Variants in FAF1 observed in about 807,000 individuals in gnomAD.
FAF1 encodes FAS-associated factor 1.
A neutral mutation model predicts 92.5 loss-of-function variants in FAF1; 25 were observed. That is an observed-to-expected ratio of 0.27 (90% CI 0.20 to 0.38). The LOEUF is 0.38. Among genes scored for constraint, FAF1 ranks in the 10% least tolerant of loss-of-function variants. FAF1 has a pLI of 1.00. For synonymous variants in FAF1, 234 were observed against 273.2 expected (o/e 0.86, Z 1.42); for missense variants, 636 against 793.3 (o/e 0.80, Z 2.38).
chr1:50,899,546 A>G (rs1439057506), intron 1 of FAF1, among the ~76,000 whole-genome samples: 1 of 152,122 alleles, frequency 6.6e-6, no homozygotes, highest in Non-Finnish European at 1.5e-5. Flanking sequence ...TGTGCCTCCC[A>G]TGTTCAAGCA....
At chr1:50,480,885 C>T (rs1474815962) in intron 17 of FAF1, among the ~76,000 whole-genome samples, 1 of 152,104 alleles carries the variant, frequency 6.6e-6, no homozygotes, top group East Asian at 1.9e-4. Context: ...ATGACAGCTC[C>T]GTGTGTGTTA....
At chr1:50,697,062 C>G (rs1480157610) in intron 7 of FAF1, among the ~76,000 whole-genome samples, 2 of 152,128 alleles carry the variant, frequency 1.3e-5, no homozygotes, top group Non-Finnish European at 2.9e-5. Context: ...TCCCAGGAAA[C>G]CTGGGATGTG....
chr1:50,904,718 G>T (rs1249348597), intron 1 of FAF1, among the ~76,000 whole-genome samples: 1 of 151,846 alleles, frequency 6.6e-6, no homozygotes, highest in East Asian at 1.9e-4. Flanking sequence ...TATTACTAAT[G>T]GTCCTAAATA....
chr1:50,780,897 G>C (rs1206381121), intron 4 of FAF1: 1 of 483,464 alleles, frequency 2.1e-6, no homozygotes, highest in East Asian at 5.7e-5. Flanking sequence ...CCAAACACAT[G>C]GCTCAGCAGG....
chr1:50,525,606 G>T lies in FAF1; in HGVS notation c.1494+9763C>A, dbSNP rs1647749374. On this transcript the variant is annotated intron_variant, in intron 15 of 18. Coordinates refer to ENST00000396153, the MANE Select transcript of FAF1 (RefSeq NM_007051.3). ...TCCTATGTCAAAAGGCAGCAGGGAA[G>T]TTGGAATCCTTGCTTTTTTCCTGAT... Among the ~76,000 whole-genome samples the T allele has an allele frequency of 2.6e-5, 4 of 152,278 alleles. No individual in the cohort carries two copies. The South Asian group carries it at 8.3e-4, about 32-fold the overall frequency.
intron 12 of FAF1, among the ~76,000 whole-genome samples, chr1:50,571,789 G>T (rs1196357915): frequency 6.6e-6 from 1 of 152,156 alleles, no homozygotes; most frequent in African/African-American, 2.4e-5. Context: ...TAGTGTCACA[G>T]AACCATAGAA....
At chr1:50,611,137 T>G (rs1652666321) in intron 8 of FAF1, among the ~76,000 whole-genome samples, 1 of 152,244 alleles carries the variant, frequency 6.6e-6, no homozygotes, top group South Asian at 2.1e-4. Context: ...TACTTCATTG[T>G]GCTGGAGTAT....
At chr1:50,819,738 TACATATA>T (rs1644020547) in intron 2 of FAF1, among the ~76,000 whole-genome samples, 1 of 33,132 alleles carries the variant, frequency 3.0e-5, no homozygotes, top group Non-Finnish European at 7.1e-5. Context: ...TACATATATA[TACATATA>T]TATATACATA....
intron 8 of FAF1, among the ~76,000 whole-genome samples, chr1:50,608,185 T>C (rs1267776794): frequency 6.6e-6 from 1 of 152,232 alleles, no homozygotes; most frequent in Non-Finnish European, 1.5e-5. Flanking sequence ...CTGGGTTGTT[T>C]AGTTGTTGAC....
At chr1:50,894,040 T>G (rs1644739576) in intron 1 of FAF1, among the ~76,000 whole-genome samples, 1 of 152,106 alleles carries the variant, frequency 6.6e-6, no homozygotes, top group Admixed American at 6.5e-5. Flanking sequence ...AAGGGCTGCC[T>G]GTAATCCCAA....
At chr1:50,528,264 A>G (rs943790025) in intron 15 of FAF1, among the ~76,000 whole-genome samples, 1 of 152,078 alleles carries the variant, frequency 6.6e-6, no homozygotes, top group Non-Finnish European at 1.5e-5. Context: ...TTTTACCTTG[A>G]GTGTACTTAT....
chr1:50,547,369 T>C (rs993583844), intron 13 of FAF1, among the ~76,000 whole-genome samples: 6 of 152,172 alleles, frequency 3.9e-5, no homozygotes, highest in Non-Finnish European at 8.8e-5. Context: ...TAGTAAACTG[T>C]TAAATTATCT....
intron 17 of FAF1, among the ~76,000 whole-genome samples, chr1:50,476,907 G>A (rs1210710449): frequency 6.6e-6 from 1 of 152,010 alleles, no homozygotes; most frequent in Admixed American, 6.6e-5. Context: ...GTTCTTTGGA[G>A]GTAATAAACT....
At chr1:50,802,177 G>A (rs1441282459) in intron 2 of FAF1, among the ~76,000 whole-genome samples, 3 of 151,330 alleles carry the variant, frequency 2.0e-5, no homozygotes, top group Admixed American at 1.3e-4. Context: ...CACAACCTCC[G>A]CCTCCCAGGT....
chr1:50,927,585 T>TCA (rs1645016115), intron 1 of FAF1, among the ~76,000 whole-genome samples: 1 of 152,118 alleles, frequency 6.6e-6, no homozygotes, highest in Non-Finnish European at 1.5e-5. Context: ...TACATAAAGT[T>TCA]TTAAAACTGG....
intron 15 of FAF1, among the ~76,000 whole-genome samples, chr1:50,507,366 C>G (rs1647071645): frequency 6.6e-6 from 1 of 152,176 alleles, no homozygotes. Context: ...AAGTTAGTAC[C>G]TGGCTGGTGT....
chr1:50,648,782 T>C (rs369877703), intron 8 of FAF1, among the ~76,000 whole-genome samples: 4 of 152,050 alleles, frequency 2.6e-5, no homozygotes, highest in Non-Finnish European at 5.9e-5. Flanking sequence ...TAAAATCAGC[T>C]GGGTGTGGTG....
intron 4 of FAF1, among the ~76,000 whole-genome samples, chr1:50,766,070 C>T (rs1482939701): frequency 2.6e-5 from 4 of 151,772 alleles, no homozygotes; most frequent in Admixed American, 6.6e-5. Context: ...CCAGCCTGGG[C>T]GACAAGAACG....
At chr1:50,481,355 A>C (rs1646702052) in intron 17 of FAF1, among the ~76,000 whole-genome samples, 1 of 152,214 alleles carries the variant, frequency 6.6e-6, no homozygotes, top group African/African-American at 2.4e-5. Flanking sequence ...AGTACCCTAC[A>C]CAGGTGCAAC....
Sources: allele counts gnomAD v4.1 joint callset (sites outside exome capture counted in the v4.1 genomes callset), GRCh38; gene constraint gnomAD v4.1.1; transcripts MANE v1.5; gene names NCBI Gene and HGNC (gene_info 2026-07-23, HGNC 2026-07-21).